CD48: variants seen among roughly 807,000 people sequenced by gnomAD.
CD48 encodes CD48 molecule.
Under a neutral mutation model 22.0 loss-of-function variants are expected in CD48, and 20 were observed. The ratio of observed to expected loss-of-function variants is 0.91; its 90% CI spans 0.64 to 1.32. The LOEUF (loss-of-function observed/expected upper bound fraction) is 1.32. CD48 is among the 40% of genes most tolerant of loss of function. The pLI is 0.00. For synonymous variants in CD48, 110 were observed against 110.1 expected, an observed-to-expected ratio of 1.00 and a Z score of 0.01; for missense variants, 307 against 286.5, an observed-to-expected ratio of 1.07 and a Z score of -0.52.
At position 160,681,207 on chromosome 1, in the gene CD48, G is replaced by T; in HGVS notation, c.647C>A (p.Thr216Asn). 1 of 1,614,110 alleles carries T rather than the reference G, an allele frequency of 6.2e-7. No homozygotes were observed. Among genetic ancestry groups the T allele is most frequent in the East Asian group, 2.2e-5 (1 of 44,868 alleles). ...NGTVCLSPPC[T>N]LARSFGVEWI... Reference sequence around the variant, plus strand: ...CTCCCAGGGATCCTTCTTACCCAGGGTACAGGGTGGACTGAGGCAGACCGT... The same window carrying T: ...CTCCCAGGGATCCTTCTTACCCAGGTTACAGGGTGGACTGAGGCAGACCGT... Residue 216 changes from threonine to asparagine, a missense_variant, in exon 3 of 4, where the codon ACC (threonine) becomes AAC (asparagine). Coordinates refer to ENST00000368046, the MANE Select transcript of CD48 (RefSeq NM_001778.4).
chr1:160,695,081 T>C (rs1262085599), intron 1 of CD48, among the ~76,000 whole-genome samples: 2 of 152,170 alleles, frequency 1.3e-5, no homozygotes, highest in East Asian at 3.8e-4. Context: ...TTAATTATAA[T>C]TGATCTAAAG....
At chr1:160,707,328 T>C (rs930586205) in intron 1 of CD48, among the ~76,000 whole-genome samples, 1 of 152,154 alleles carries the variant, frequency 6.6e-6, no homozygotes, top group Non-Finnish European at 1.5e-5. Context: ...GTAGAGAGTA[T>C]TTTGTTTTTG....
chr1:160,682,292 A>C (rs956132217), intron 2 of CD48, among the ~76,000 whole-genome samples: 5 of 150,658 alleles, frequency 3.3e-5, no homozygotes, highest in Non-Finnish European at 7.4e-5. Flanking sequence ...CTAAAAAAAA[A>C]AAAGAAAGAA....
At chr1:160,699,541 C>G (rs944384296) in intron 1 of CD48, 1 of 152,328 alleles carries the variant, frequency 6.6e-6, no homozygotes, top group African/African-American at 2.4e-5. Flanking sequence ...AGGAAGACAT[C>G]TGTCTCCTGC....
intron 2 of CD48, among the ~76,000 whole-genome samples, chr1:160,682,712 C>G (rs566952707): frequency 6.6e-6 from 1 of 152,290 alleles, no homozygotes; most frequent in South Asian, 2.1e-4. Context: ...AAAACGTCAC[C>G]TGTCATGGAT....
At chr1:160,679,921 A>G (rs1010382011) in intron 3 of CD48, among the ~76,000 whole-genome samples, 7 of 152,214 alleles carry the variant, frequency 4.6e-5, no homozygotes, top group Non-Finnish European at 1.5e-5. Context: ...TCATGGTCAG[A>G]TACCACACTG....
rs1394668435 is a variant in CD48, at chr1:160,711,773, C to T, written c.-10G>A. The T allele has an allele frequency of 7.5e-6, 12 of 1,607,926 alleles. No individual in the cohort carries two copies. The highest frequency in any genetic ancestry group is 1.0e-5 in the Non-Finnish European group (12 of 1,174,978). On this transcript the variant is annotated 5_prime_UTR_variant, in exon 1 of 4. Coordinates refer to ENST00000368046, the MANE Select transcript of CD48 (RefSeq NM_001778.4). The stretch of plus-strand genomic sequence containing the variant: ...AACCTCTGGAGCACATGCTTCCTTC[C>T]AGAACTTCCCAGCAACGCAGGAGAC...
Position 160,685,254 on chromosome 1 carries a change from A to G in CD48, c.83-65T>C, listed in dbSNP as rs2102407440. ...GCAGTGTTGCTGACAGGCCCAGGGT[A>G]TAGCCTGGGCTGGTGGAACAGGTGA... On this transcript the variant is annotated intron_variant, in intron 1 of 3. Coordinates refer to ENST00000368046, the MANE Select transcript of CD48 (RefSeq NM_001778.4). 4.7e-6 allele frequency: 6 copies of G among 1,268,704 alleles called. No homozygotes were observed. In the South Asian group the frequency reaches 8.5e-5, roughly 18 times the overall value. The allele number at this position is 1,268,704 out of a possible 1,614,324, so 78.6% of individuals were successfully genotyped here.
chr1:160,691,508 T>C (rs939716457), intron 1 of CD48, among the ~76,000 whole-genome samples: 2 of 152,310 alleles, frequency 1.3e-5, no homozygotes. Context: ...GTTTGTCTGC[T>C]CACCCTCTCC....
intron 1 of CD48, among the ~76,000 whole-genome samples, chr1:160,697,218 T>C (rs1421942026): frequency 2.0e-5 from 3 of 152,292 alleles, no homozygotes; most frequent in Non-Finnish European, 4.4e-5. Context: ...GGGAGAGGTT[T>C]TGCTTGTGTT....
chr1:160,699,463 C>A (rs1341823926), intron 1 of CD48: 1 of 153,470 alleles, frequency 6.5e-6, no homozygotes, highest in African/African-American at 2.4e-5. Context: ...CAGACCAACA[C>A]CCGTAAAGGG....
Position 160,711,749 on chromosome 1 carries a change from A to G in CD48, c.15T>C (p.Gly5=), listed in dbSNP as rs764053550. 5 of 1,612,840 alleles carry G rather than the reference A, an allele frequency of 3.1e-6. No individual in the cohort carries two copies. In the Admixed American group the frequency reaches 6.7e-5, roughly 22 times the overall value. Residue 5 remains glycine (G), a synonymous_variant, in exon 1 of 4, where the codon GGT becomes GGC. Coordinates refer to ENST00000368046, the MANE Select transcript of CD48 (RefSeq NM_001778.4). MCSR[G]WDSCLALELL... is the part of the protein sequence containing the mutation. ...ATTCCAGAGCCAGACACGAATCCCAACCTCTGGAGCACATGCTTCCTTCCA... is the reference window on the plus strand; with the variant it reads ...ATTCCAGAGCCAGACACGAATCCCAGCCTCTGGAGCACATGCTTCCTTCCA...
chr1:160,680,466 G>A (rs781475473), intron 3 of CD48: 4 of 475,872 alleles, frequency 8.4e-6, no homozygotes, highest in African/African-American at 4.2e-5. Context: ...AACATGACTT[G>A]GGGAAGCTAA....
intron 1 of CD48, among the ~76,000 whole-genome samples, chr1:160,703,327 T>C (rs1448633352): frequency 6.6e-6 from 1 of 152,158 alleles, no homozygotes; most frequent in Non-Finnish European, 1.5e-5. Context: ...TAAGGAGAAG[T>C]AGGACCATAC....
rs755624739 is a variant in CD48 at position 160,685,204 on chromosome 1, C to A, written c.83-15G>T. ...TACCAAGTGACCTGCCAATGAGATT[C>A]AGAGTGAGACCTGCGCTAGAGGAGG... On this transcript the variant is annotated splice_polypyrimidine_tract_variant and intron_variant, in intron 1 of 3. Coordinates refer to ENST00000368046, the MANE Select transcript of CD48 (RefSeq NM_001778.4). 1 of 1,592,394 alleles carries A rather than the reference C, an allele frequency of 6.3e-7. No individual in the cohort carries two copies. Among genetic ancestry groups the A allele is most frequent in the Admixed American group, 1.7e-5 (1 of 58,938 alleles).
At position 160,686,417 on chromosome 1, in the gene CD48, G is replaced by A. The variant is rs796675782; in HGVS notation, c.83-1228C>T. Among the ~76,000 whole-genome samples the A allele has an allele frequency of 5.5e-4, 83 of 152,252 alleles. 1 individual carries two copies. The highest frequency in any genetic ancestry group is 1.9e-3 in the African/African-American group (80 of 41,542). On this transcript the variant is annotated intron_variant, in intron 1 of 3. Coordinates refer to ENST00000368046, the MANE Select transcript of CD48 (RefSeq NM_001778.4). ...ATCCGGAGGGTAGGGATAGAAAATG[G>A]AGAAAATACTAAGAAAAATCTCTTT... is the stretch of plus-strand genomic sequence containing the variant.
At chr1:160,681,765 G>T (rs1019673792) in intron 2 of CD48, among the ~76,000 whole-genome samples, 1 of 152,150 alleles carries the variant, frequency 6.6e-6, no homozygotes, top group African/African-American at 2.4e-5. Context: ...GAGCCTGAAC[G>T]AACAGCCCAG....
At position 160,684,621 on chromosome 1, in the gene CD48, G is replaced by C. The variant is rs576781517; in HGVS notation, c.385+266C>G. On this transcript the variant is annotated intron_variant, in intron 2 of 3. Transcript: ENST00000368046. ...ATCACAGGACAAAATGAAGGAAATAGGAAAAATCTCTAGTTTTCCTTCTCT... is the reference window on the plus strand; with the variant it reads ...ATCACAGGACAAAATGAAGGAAATACGAAAAATCTCTAGTTTTCCTTCTCT... The C allele has an allele frequency of 6.4e-5, 71 of 1,107,066 alleles. No homozygotes were observed. The South Asian group carries it at 7.0e-4, about 11-fold the overall frequency. 68.6% of individuals were successfully genotyped at this position (1,107,066 alleles called of 1,614,324 possible).
chr1:160,694,844 CA>C (rs1169525515), intron 1 of CD48, among the ~76,000 whole-genome samples: 8 of 152,136 alleles, frequency 5.3e-5, no homozygotes, highest in Non-Finnish European at 8.8e-5. Flanking sequence ...TGGCCGCTAC[CA>C]AAACAAAAAC....
Sources: gnomAD v4.1 joint callset for allele counts (sites outside exome capture counted in the v4.1 genomes callset) on GRCh38, gnomAD v4.1.1 for gene constraint, MANE v1.5 for transcripts, NCBI Gene and HGNC (gene_info 2026-07-23, HGNC 2026-07-21) for gene names.